Variants in TGS1 observed in about 807,000 individuals in gnomAD.
The protein encoded by TGS1 is trimethylguanosine synthase 1.
Under a neutral mutation model 92.2 loss-of-function variants are expected in TGS1, and 69 were observed. The observed-to-expected ratio is 0.75, with a 90% CI of 0.62 to 0.91. TGS1 has a LOEUF of 0.91. TGS1 is among the 40% of genes least tolerant of loss of function. The pLI is 0.00. For missense variants in TGS1, 1,062 were observed against 1,001.2 expected (o/e 1.06, Z -0.82); for synonymous variants, 345 against 338.1 (o/e 1.02, Z -0.22).
At chr8:55,822,336 C>G (rs1326523791) in intron 12 of TGS1, among the ~76,000 whole-genome samples, 2 of 152,084 alleles carry the variant, frequency 1.3e-5, no homozygotes, top group African/African-American at 2.4e-5. Flanking sequence ...TCCCAAAGTG[C>G]TGGGATTACA....
At chr8:55,787,684 G>T (rs1258469593) in intron 4 of TGS1, among the ~76,000 whole-genome samples, 3 of 152,200 alleles carry the variant, frequency 2.0e-5, no homozygotes, top group Admixed American at 1.3e-4. Context: ...TCTGAGTACG[G>T]TGCGATGAGA....
chr8:55,788,805 T>C (rs533620681), intron 4 of TGS1, among the ~76,000 whole-genome samples: 1 of 152,310 alleles, frequency 6.6e-6, no homozygotes, highest in South Asian at 2.1e-4. Flanking sequence ...TACTCTTCTA[T>C]ACTCTCCTGA....
chr8:55,816,773 G>A (rs563681967), intron 12 of TGS1, among the ~76,000 whole-genome samples: 6 of 152,122 alleles, frequency 3.9e-5, no homozygotes, highest in Admixed American at 6.5e-5. Context: ...CTCATAAAGC[G>A]GAGAAGTTTA....
intron 10 of TGS1, among the ~76,000 whole-genome samples, chr8:55,805,714 C>T (rs1236840402): frequency 1.3e-5 from 2 of 151,734 alleles, no homozygotes; most frequent in Non-Finnish European, 1.5e-5. Context: ...GGTGAAACCC[C>T]GTCTACTAAA....
chr8:55,791,752 TAAC>T (rs1811890748), intron 5 of TGS1, among the ~76,000 whole-genome samples: 1 of 152,242 alleles, frequency 6.6e-6, no homozygotes, highest in Non-Finnish European at 1.5e-5. Flanking sequence ...TTGTGTTTTA[TAAC>T]CAAATAAAAG....
intron 6 of TGS1, among the ~76,000 whole-genome samples, chr8:55,793,610 C>A (rs1373041806): frequency 6.6e-6 from 1 of 152,064 alleles, no homozygotes; most frequent in Non-Finnish European, 1.5e-5. Context: ...CTCTGTCACC[C>A]AGGTTGCAGC....
chr8:55,786,096 A>T, intron 3 of TGS1, 142 bp from the exon 4 acceptor site: 1 of 697,220 alleles, frequency 1.4e-6, no homozygotes, highest in Non-Finnish European at 2.3e-6. Context: ...CTTAGATAGT[A>T]TATCACTTGT....
chr8:55,821,677 C>T (rs954045864), intron 12 of TGS1, among the ~76,000 whole-genome samples: 2 of 151,838 alleles, frequency 1.3e-5, no homozygotes, highest in Non-Finnish European at 2.9e-5. Flanking sequence ...ATCGAGACCA[C>T]CCTGGCTAAC....
chr8:55,793,723 A>G (rs1473918736), intron 6 of TGS1, among the ~76,000 whole-genome samples: 1 of 151,580 alleles, frequency 6.6e-6, no homozygotes, highest in Non-Finnish European at 1.5e-5. Context: ...ATGCACCACC[A>G]TGCCCTGCTA....
At chr8:55,806,407 C>T (rs1812374933) in intron 10 of TGS1, among the ~76,000 whole-genome samples, 1 of 139,404 alleles carries the variant, frequency 7.2e-6, no homozygotes, top group Admixed American at 7.1e-5. Flanking sequence ...CCTACCTTAT[C>T]AATAAATATA....
Position 55,773,736 on chromosome 8 carries a change from A to T in TGS1, c.101+17A>T, listed in dbSNP as rs567253272. 9 of 1,585,532 alleles carry T rather than the reference A, an allele frequency of 5.7e-6. No homozygotes were observed. The East Asian group carries it at 1.8e-4, about 32-fold the overall frequency. On this transcript the variant is annotated intron_variant, in intron 1 of 12. Coordinates refer to ENST00000260129, the MANE Select transcript of TGS1 (RefSeq NM_024831.8). ...ATTTGTGGAGTAAGTAGAAAAGAGA[A>T]TCTCTTCATGTTCTAGCACAGTCAT...
At chr8:55,820,883 A>G (rs1803618024) in intron 12 of TGS1, among the ~76,000 whole-genome samples, 1 of 152,210 alleles carries the variant, frequency 6.6e-6, no homozygotes, top group Non-Finnish European at 1.5e-5. Flanking sequence ...ACAATTTACT[A>G]AATTCTAAGA....
In TGS1 at chr8:55,796,083, A is replaced by G; in HGVS notation, c.1473A>G (p.Lys491=). 6.2e-7 allele frequency: 1 copy of G among 1,613,264 alleles called. No individual in the cohort carries two copies. Among genetic ancestry groups the G allele is most frequent in the African/African-American group, 1.3e-5 (1 of 75,042 alleles). ...YLDMRRQIKM[K]NKHIFFTKES... is the part of the protein sequence containing the mutation. ...ACATGCGCAGACAAATAAAGATGAAAAACAAACACATCTTCTTTACCAAAG... is the reference window on the plus strand; with the variant it reads ...ACATGCGCAGACAAATAAAGATGAAGAACAAACACATCTTCTTTACCAAAG... The change falls in exon 7 of 13, where the codon AAA becomes AAG. Residue 491 remains lysine, a synonymous_variant. Transcript: ENST00000260129.
At chr8:55,789,987 A>G (rs1811829146) in intron 4 of TGS1, 195 bp from the exon 5 acceptor site, 1 of 492,538 alleles carries the variant, frequency 2.0e-6, no homozygotes, top group Admixed American at 3.5e-5. Context: ...TAATTTAACA[A>G]ACCTTATAGT....
chr8:55,823,911 G>A (rs568346014), intron 12 of TGS1, among the ~76,000 whole-genome samples: 22 of 151,790 alleles, frequency 1.4e-4, no homozygotes, highest in East Asian at 7.7e-4. Flanking sequence ...TCAGGAGTTC[G>A]AGACCAGCCT....
chr8:55,786,272 AAAAG>A lies in TGS1; in HGVS notation c.378_381del (p.Lys127AsnfsTer7). 4 of 1,503,522 alleles carry A rather than the reference AAAAG, an allele frequency of 2.7e-6. No individual in the cohort carries two copies. Among genetic ancestry groups the A allele is most frequent in the East Asian group, 2.4e-5 (1 of 42,074 alleles). 93.1% of individuals were successfully genotyped at this position (1,503,522 alleles called of 1,614,324 possible). A position where few individuals can be genotyped will look rare whatever the true frequency, so the allele number is the denominator to read the frequency against. On this transcript the variant is annotated frameshift_variant, in exon 4 of 13. Coordinates refer to ENST00000260129, the MANE Select transcript of TGS1 (RefSeq NM_024831.8). LOFTEE classifies it high-confidence loss of function. ...AATACTAGAAATAAAGTTAAAATAA[AAAAG>A]AAAAAACATCAAAAGAAATACTTAG...
At chr8:55,777,116 T>TC (rs1364421246) in intron 1 of TGS1, among the ~76,000 whole-genome samples, 1 of 152,006 alleles carries the variant, frequency 6.6e-6, no homozygotes, top group Non-Finnish European at 1.5e-5. Flanking sequence ...CAAGCAATCC[T>TC]CCTACCTTAG....
At chr8:55,783,398 A>G (rs942080548) in intron 2 of TGS1, among the ~76,000 whole-genome samples, 1 of 152,168 alleles carries the variant, frequency 6.6e-6, no homozygotes, top group East Asian at 1.9e-4. Context: ...CAGCCTGGGC[A>G]ACAGAGTGAG....
At chr8:55,815,363 G>A (rs548020384) in intron 12 of TGS1, among the ~76,000 whole-genome samples, 68 of 152,208 alleles carry the variant, frequency 4.5e-4, no homozygotes, top group Middle Eastern at 3.4e-3. Flanking sequence ...ATTACAGTGG[G>A]AAATCAACTT....
Sources: gnomAD v4.1 joint callset for allele counts (sites outside exome capture counted in the v4.1 genomes callset) on GRCh38, gnomAD v4.1.1 for gene constraint, MANE v1.5 for transcripts, NCBI Gene and HGNC (gene_info 2026-07-23, HGNC 2026-07-21) for gene names.